The following ATL2 variants were observed in gnomAD, a reference collection of about 807,000 sequenced individuals.
The protein encoded by ATL2 is atlastin GTPase 2.
ATL2 carries 31 observed loss-of-function variants against 73.9 expected under a neutral mutation model. That is an observed-to-expected ratio of 0.42 (90% CI 0.32 to 0.57). The LOEUF is 0.57. Ranked by LOEUF, ATL2 falls within the 20% of genes least tolerant of loss-of-function variation. ATL2 has a pLI of 0.14. For synonymous variants in ATL2, 291 were observed against 237.5 expected (o/e 1.23, Z -2.07); for missense variants, 738 against 702.6 (o/e 1.05, Z -0.57).
chr2:38,303,748 A>G (rs1164348812), intron 9 of ATL2, among the ~76,000 whole-genome samples: 1 of 152,194 alleles, frequency 6.6e-6, no homozygotes, highest in African/African-American at 2.4e-5. Context: ...AATATTTAAG[A>G]ACAAAAGATT....
At chr2:38,360,593 CTA>C (rs1399823525) in intron 1 of ATL2, among the ~76,000 whole-genome samples, 1 of 152,054 alleles carries the variant, frequency 6.6e-6, no homozygotes, top group East Asian at 1.9e-4. Context: ...TCGGGGAACT[CTA>C]TAATCAACAA....
chr2:38,362,517 G>C (rs1160528216), intron 1 of ATL2, among the ~76,000 whole-genome samples: 2 of 152,198 alleles, frequency 1.3e-5, no homozygotes, highest in African/African-American at 4.8e-5. Context: ...CCCACCTCCA[G>C]AGTCTGATTC....
chr2:38,300,492 T>G (rs772945772), intron 9 of ATL2, 164 bp from the exon 10 acceptor site: 2 of 516,770 alleles, frequency 3.9e-6, no homozygotes, highest in Non-Finnish European at 6.9e-6. Context: ...ATTCTCAATA[T>G]TATTAAATTA....
At chr2:38,296,554 T>C (rs748044193) in intron 12 of ATL2, 5 of 1,614,114 alleles carry the variant, frequency 3.1e-6, no homozygotes, top group Middle Eastern at 3.3e-4. Context: ...CGGTGAACCA[T>C]TCGACGTCTA....
chr2:38,332,502 C>T (rs1000969338), intron 2 of ATL2, among the ~76,000 whole-genome samples: 2 of 152,072 alleles, frequency 1.3e-5, no homozygotes, highest in Non-Finnish European at 2.9e-5. Context: ...CACCATGCCC[C>T]GCCAATGGAA....
intron 1 of ATL2, among the ~76,000 whole-genome samples, chr2:38,372,969 A>G (rs1405524860): frequency 6.6e-6 from 1 of 152,262 alleles, no homozygotes; most frequent in Non-Finnish European, 1.5e-5. Flanking sequence ...CACATTATAT[A>G]TAATAGCATA....
At position 38,310,552 on chromosome 2, in the gene ATL2, T is replaced by C. The variant is rs570046708; in HGVS notation, c.805-105A>G. On this transcript the variant is annotated intron_variant, in intron 7 of 12. Coordinates refer to ENST00000378954, the MANE Select transcript of ATL2 (RefSeq NM_001135673.4). The stretch of plus-strand genomic sequence containing the variant: ...GCACACTATGCACACTTAACTCAGA[T>C]GGTACTCCTAAGGAGTCTTTTTTGA... 4.2e-6 allele frequency: 4 copies of C among 958,270 alleles called. No homozygotes were observed. In the East Asian group the frequency reaches 8.7e-5, roughly 21 times the overall value. The allele number at this position is 958,270 out of a possible 1,614,324, so 59.4% of individuals were successfully genotyped here.
intron 2 of ATL2, among the ~76,000 whole-genome samples, chr2:38,323,260 A>T (rs1668419381): frequency 6.6e-6 from 1 of 151,916 alleles, no homozygotes; most frequent in Non-Finnish European, 1.5e-5. Flanking sequence ...AAGTAATCCT[A>T]TTCCACCAGA....
In ATL2 at chr2:38,377,204, G is replaced by A. The variant is rs143910526; in HGVS notation, c.57C>T (p.Arg19=). The A allele has an allele frequency of 1.5e-4, 244 of 1,609,624 alleles. No homozygotes were observed. The highest frequency in any genetic ancestry group is 2.0e-4 in the Non-Finnish European group (239 of 1,178,856). ...CGCTTGGGTCGCTGGTCCGTCGCCGGCGCCACAGCCCCTGGTGCGGTTGCT... is the reference window on the plus strand; with the variant it reads ...CGCTTGGGTCGCTGGTCCGTCGCCGACGCCACAGCCCCTGGTGCGGTTGCT... ...RGQQPHQGLW[R]RRRTSDPSAA... Residue 19 remains arginine, a synonymous_variant, in exon 1 of 13, where the codon CGC becomes CGT. Transcript: ENST00000378954.
chr2:38,315,865 C>G (rs962158930), intron 4 of ATL2, among the ~76,000 whole-genome samples: 3 of 152,186 alleles, frequency 2.0e-5, no homozygotes, highest in African/African-American at 7.2e-5. Context: ...TCAGTTTTCA[C>G]TTACACTCAA....
intron 12 of ATL2, 163 bp downstream of exon 12, chr2:38,297,981 G>C (rs1558380811): frequency 1.3e-5 from 9 of 686,148 alleles, no homozygotes; most frequent in Non-Finnish European, 2.1e-5. Context: ...TAACTTTAAA[G>C]AAAAAATCTT....
chr2:38,371,437 G>C (rs910974790), intron 1 of ATL2, among the ~76,000 whole-genome samples: 6 of 152,216 alleles, frequency 3.9e-5, no homozygotes, highest in Middle Eastern at 3.4e-3. Context: ...GAGCCAGGGA[G>C]GTCAAAACCG....
chr2:38,295,504 G>GT lies in ATL2; in HGVS notation c.*489dup, dbSNP rs1382198742. Reference sequence around the variant, plus strand: ...TGAAGTTTCTGATACATGCATTGATGTAATACTGGTATTGAAGGCAGTAAA... The same window carrying GT: ...TGAAGTTTCTGATACATGCATTGATGTTAATACTGGTATTGAAGGCAGTAAA... On this transcript the variant is annotated 3_prime_UTR_variant, in exon 13 of 13. Transcript: ENST00000378954. The GT allele has an allele frequency of 6.6e-6, 1 of 152,386 alleles. No homozygotes were observed. Among genetic ancestry groups the GT allele is most frequent in the Non-Finnish European group, 1.5e-5 (1 of 68,204 alleles). 9.4% of individuals were successfully genotyped at this position (152,386 alleles called of 1,614,324 possible).
At chr2:38,335,357 A>G (rs1217795562) in intron 2 of ATL2, among the ~76,000 whole-genome samples, 1 of 152,194 alleles carries the variant, frequency 6.6e-6, no homozygotes, top group Admixed American at 6.5e-5. Flanking sequence ...TATCAGTAGA[A>G]AGGGTAAATT....
At chr2:38,371,546 G>C (rs558159772) in intron 1 of ATL2, among the ~76,000 whole-genome samples, 2 of 151,750 alleles carry the variant, frequency 1.3e-5, no homozygotes, top group East Asian at 1.9e-4. Flanking sequence ...ATTACTGTAA[G>C]TTTGCTAGGG....
chr2:38,368,988 T>A (rs1345099698), intron 1 of ATL2, among the ~76,000 whole-genome samples: 1 of 152,144 alleles, frequency 6.6e-6, no homozygotes, highest in Non-Finnish European at 1.5e-5. Context: ...TCAACTACAA[T>A]CAAAAAATTG....
chr2:38,297,655 G>C (rs753548974), intron 12 of ATL2, among the ~76,000 whole-genome samples: 5 of 152,174 alleles, frequency 3.3e-5, no homozygotes, highest in African/African-American at 7.2e-5. Flanking sequence ...ATCCCTACGG[G>C]ATTGTTCCTC....
intron 9 of ATL2, 131 bp downstream of exon 9, chr2:38,309,248 G>T: frequency 1.1e-6 from 1 of 878,376 alleles, no homozygotes. Context: ...CTAATTCAAG[G>T]CAGAAAGATA....
chr2:38,366,438 C>T (rs546161158), intron 1 of ATL2, among the ~76,000 whole-genome samples: 2 of 152,232 alleles, frequency 1.3e-5, no homozygotes, highest in Admixed American at 1.3e-4. Context: ...ATTTTTTAAG[C>T]ATCTCTTTTA....
Sources: gnomAD v4.1 joint callset for allele counts (sites outside exome capture counted in the v4.1 genomes callset) on GRCh38, gnomAD v4.1.1 for gene constraint, MANE v1.5 for transcripts, NCBI Gene and HGNC (gene_info 2026-07-23, HGNC 2026-07-21) for gene names.